The following THOC1 variants were observed in gnomAD, a reference collection of about 807,000 sequenced individuals.
THOC1 encodes THO complex subunit 1.
THOC1 carries 29 observed loss-of-function variants against 97.3 expected under a neutral mutation model. The observed-to-expected ratio is 0.30, with a 90% CI of 0.22 to 0.41. The LOEUF (loss-of-function observed/expected upper bound fraction) is 0.41. Among genes scored for constraint, THOC1 ranks in the 10% least tolerant of loss-of-function variants. The probability of loss-of-function intolerance (pLI) is 1.00; values close to 1 mark genes in which losing one functional copy is unlikely to be tolerated. For missense variants in THOC1, 529 were observed against 761.9 expected (o/e 0.69, Z 3.60); for synonymous variants, 255 against 257.0 (o/e 0.99, Z 0.07).
intron 11 of THOC1, chr18:245,054 T>G (rs144743433): frequency 6.6e-6 from 1 of 152,216 alleles, no homozygotes; most frequent in Non-Finnish European, 1.5e-5. Flanking sequence ...TTCAGCCTGC[T>G]TTTGTTTCAT....
chr18:234,969 T>C (rs1911622805), intron 11 of THOC1, among the ~76,000 whole-genome samples: 1 of 152,166 alleles, frequency 6.6e-6, no homozygotes, highest in African/African-American at 2.4e-5. Context: ...GTAGAAATTA[T>C]TTATTCTTTG....
At chr18:226,695 A>T (rs980535413) in intron 12 of THOC1, 106 bp downstream of exon 12, 1 of 747,494 alleles carries the variant, frequency 1.3e-6, no homozygotes, top group Non-Finnish European at 2.2e-6. Context: ...TGTTTTAGGG[A>T]TACAGCCTTA....
At chr18:216,423 G>A (rs1279559580) in intron 19 of THOC1, 63 bp downstream of exon 19, 2 of 1,552,354 alleles carry the variant, frequency 1.3e-6, no homozygotes, top group African/African-American at 2.7e-5. Context: ...TGCTCACATA[G>A]TGACAGCAAT....
intron 19 of THOC1, chr18:215,814 C>A (rs897234337): frequency 3.4e-6 from 1 of 293,734 alleles, no homozygotes; most frequent in Admixed American, 4.7e-5. Flanking sequence ...AAGACGGCCT[C>A]AAGGAAGCCA....
At chr18:235,404 AACT>A (rs1911645431) in intron 11 of THOC1, among the ~76,000 whole-genome samples, 1 of 151,938 alleles carries the variant, frequency 6.6e-6, no homozygotes, top group South Asian at 2.1e-4. Context: ...TACTTTTTCT[AACT>A]TCTTGAGTTG....
intron 9 of THOC1, among the ~76,000 whole-genome samples, chr18:251,541 A>G (rs570849965): frequency 6.6e-6 from 1 of 151,292 alleles, no homozygotes; most frequent in East Asian, 1.9e-4. Flanking sequence ...TTCCTTCAAC[A>G]TTGTTTTATT....
At chr18:235,948 C>G (rs1026205302) in intron 11 of THOC1, among the ~76,000 whole-genome samples, 1 of 152,140 alleles carries the variant, frequency 6.6e-6, no homozygotes, top group African/African-American at 2.4e-5. Flanking sequence ...TGTGGGCCAA[C>G]TTTTCATAAT....
At chr18:224,496 T>C (rs1405223943) in intron 15 of THOC1, among the ~76,000 whole-genome samples, 1 of 151,628 alleles carries the variant, frequency 6.6e-6, no homozygotes, top group South Asian at 2.1e-4. Context: ...TGAGAATCGC[T>C]TGAACCCAAG....
intron 11 of THOC1, among the ~76,000 whole-genome samples, chr18:227,636 TAAG>T (rs970783855): frequency 2.6e-5 from 4 of 152,038 alleles, no homozygotes; most frequent in African/African-American, 9.7e-5. Flanking sequence ...CATCCAGCTG[TAAG>T]AATAACCTGC....
Position 267,968 on chromosome 18 carries a change from T to G in THOC1, c.52A>C (p.Thr18Pro). ...FSLPEARTRF[T>P]KSTREALNNK... is the part of the protein sequence containing the mutation. ...GCACCCTCCCCTCTACAGCTCACCG[T>G]AAACCGCGTCCGCGCTTCGGGCAAA... Residue 18 changes from threonine (T) to proline (P), a missense_variant and splice_region_variant, in exon 1 of 21, where the codon ACG becomes CCG. By Grantham distance (38) the Thr-to-Pro change is conservative. This residue lies in a region of THOC1 where 114 missense variants were observed against 97.4 expected (regional missense o/e 1.17). Coordinates refer to ENST00000261600, the MANE Select transcript of THOC1 (RefSeq NM_005131.3). The G allele has an allele frequency of 2.5e-6, 4 of 1,611,932 alleles. No individual in the cohort carries two copies. The highest frequency in any genetic ancestry group is 3.4e-6 in the Non-Finnish European group (4 of 1,179,196).
chr18:215,000 T>G, intron 20 of THOC1, 79 bp from the exon 21 acceptor site: 1 of 1,300,984 alleles, frequency 7.7e-7, no homozygotes, highest in Non-Finnish European at 1.1e-6. Context: ...CCAATAAGTT[T>G]TATTAACCAC....
At chr18:255,859 T>C (rs1912420874) in intron 7 of THOC1, among the ~76,000 whole-genome samples, 1 of 152,170 alleles carries the variant, frequency 6.6e-6, no homozygotes, top group South Asian at 2.1e-4. Context: ...ATTCTGAAAA[T>C]CCTGGGGCTC....
intron 4 of THOC1, chr18:263,598 C>G (rs1912672963): frequency 6.5e-6 from 1 of 153,790 alleles, no homozygotes; most frequent in Non-Finnish European, 1.4e-5. Flanking sequence ...TTTAGAGAGC[C>G]ATGTTGGCTC....
chr18:218,781 A>T, intron 18 of THOC1, 105 bp downstream of exon 18: 3 of 869,716 alleles, frequency 3.4e-6, no homozygotes, highest in Non-Finnish European at 5.4e-6. Context: ...AAAAAGCACT[A>T]TTCTATCTAC....
intron 15 of THOC1, among the ~76,000 whole-genome samples, chr18:224,701 G>A (rs1290154461): frequency 1.3e-5 from 2 of 151,984 alleles, no homozygotes; most frequent in East Asian, 3.8e-4. Context: ...TCAATAATAA[G>A]ATGTTTGTTC....
chr18:258,460 A>T (rs1363155793), intron 7 of THOC1, among the ~76,000 whole-genome samples: 1 of 152,200 alleles, frequency 6.6e-6, no homozygotes, highest in African/African-American at 2.4e-5. Flanking sequence ...AGTATGAAAG[A>T]AAACAGCACA....
chr18:216,359 TA>T, intron 19 of THOC1, 126 bp downstream of exon 19: 2 of 1,050,920 alleles, frequency 1.9e-6, no homozygotes, highest in Non-Finnish European at 2.8e-6. Flanking sequence ...TCCCTCATTC[TA>T]AAACATGGGA....
chr18:220,309 A>T (rs1173598660), intron 17 of THOC1, among the ~76,000 whole-genome samples: 1 of 152,232 alleles, frequency 6.6e-6, no homozygotes, highest in African/African-American at 2.4e-5. Context: ...ATATGCAAGT[A>T]TATGTACAGA....
At chr18:259,800 G>GA (rs11369649) in intron 5 of THOC1, 70 bp from the exon 6 acceptor site, 264,513 of 1,227,674 alleles carry the variant, frequency 0.22, 30,305 homozygotes, top group Non-Finnish European at 0.23. Context: ...TAAGTTGCCA[G>GA]AGTGAAATAT....
Sources: allele counts gnomAD v4.1 joint callset (sites outside exome capture counted in the v4.1 genomes callset), GRCh38; gene constraint gnomAD v4.1.1; regional missense constraint gnomAD v4.1.1; transcripts MANE v1.5; gene names NCBI Gene and HGNC (gene_info 2026-07-23, HGNC 2026-07-21).